The following VPS8 variants were observed in gnomAD, a reference collection of about 807,000 sequenced individuals.
VPS8 encodes the protein vacuolar protein sorting-associated protein 8 homolog.
Under a neutral mutation model 216.4 loss-of-function variants are expected in VPS8, and 129 were observed. The ratio of observed to expected loss-of-function variants is 0.60; its 90% confidence interval spans 0.52 to 0.69. The LOEUF is 0.69. Ranked by LOEUF, VPS8 falls within the 30% of genes least tolerant of loss-of-function variation. The pLI is 0.00. For synonymous variants in VPS8, 571 were observed against 565.4 expected, an observed-to-expected ratio of 1.01 and a Z score of -0.14; for missense variants, 1,531 against 1,683.5, an observed-to-expected ratio of 0.91 and a Z score of 1.59.
intron 37 of VPS8, among the ~76,000 whole-genome samples, chr3:184,957,881 G>A (rs1745881272): frequency 6.6e-6 from 1 of 152,204 alleles, no homozygotes; most frequent in African/African-American, 2.4e-5. Flanking sequence ...TGGGAAGATA[G>A]TCAGCTGTGT....
chr3:184,898,143 C>T (rs1168960260), intron 23 of VPS8, among the ~76,000 whole-genome samples: 3 of 152,114 alleles, frequency 2.0e-5, no homozygotes, highest in Non-Finnish European at 4.4e-5. Context: ...TGTACCCCTA[C>T]GTCCTTTTGC....
At chr3:184,857,152 T>C (rs1262769098) in intron 14 of VPS8, among the ~76,000 whole-genome samples, 1 of 152,252 alleles carries the variant, frequency 6.6e-6, no homozygotes, top group Non-Finnish European at 1.5e-5. Flanking sequence ...ATTGTAAATA[T>C]TCAGTAAATG....
intron 3 of VPS8, among the ~76,000 whole-genome samples, chr3:184,832,436 T>C (rs1720193644): frequency 6.6e-6 from 1 of 152,226 alleles, no homozygotes; most frequent in Admixed American, 6.5e-5. Context: ...CTAACAGTAA[T>C]CTGCATACTG....
chr3:184,920,916 A>G (rs1738496040), intron 29 of VPS8, among the ~76,000 whole-genome samples: 1 of 152,230 alleles, frequency 6.6e-6, no homozygotes, highest in African/African-American at 2.4e-5. Context: ...CTACATTTAT[A>G]ATAGTTCTGT....
intron 46 of VPS8, among the ~76,000 whole-genome samples, chr3:185,026,410 C>CTTTT (rs3045678): frequency 8.4e-6 from 1 of 119,118 alleles, no homozygotes; most frequent in Non-Finnish European, 1.7e-5. Flanking sequence ...GGCTGTATTT[C>CTTTT]TTTTTTTTTT....
At chr3:185,006,185 TC>T in intron 45 of VPS8, among the ~76,000 whole-genome samples, 1 of 152,350 alleles carries the variant, frequency 6.6e-6, no homozygotes, top group South Asian at 2.1e-4. Flanking sequence ...GCTCTCTGTG[TC>T]CTTTGATTTT....
intron 32 of VPS8, among the ~76,000 whole-genome samples, chr3:184,928,808 T>C (rs770394728): frequency 2.0e-5 from 3 of 152,202 alleles, no homozygotes; most frequent in Non-Finnish European, 4.4e-5. Flanking sequence ...TTAGATTTTT[T>C]CTTTAATATT....
chr3:184,950,188 G>A (rs552033340), intron 36 of VPS8, among the ~76,000 whole-genome samples: 5 of 136,922 alleles, frequency 3.7e-5, no homozygotes, highest in Admixed American at 7.8e-5. Context: ...GATTACAGAC[G>A]TGAGCAACCA....
chr3:184,830,741 G>A (rs1295777936), intron 3 of VPS8, among the ~76,000 whole-genome samples: 1 of 152,084 alleles, frequency 6.6e-6, no homozygotes, highest in Non-Finnish European at 1.5e-5. Flanking sequence ...TGATGCTGCT[G>A]TATTTATTTC....
At chr3:184,980,943 T>C (rs765569520) in intron 40 of VPS8, among the ~76,000 whole-genome samples, 4 of 152,204 alleles carry the variant, frequency 2.6e-5, no homozygotes, top group Non-Finnish European at 5.9e-5. Flanking sequence ...AGCTGGTGTA[T>C]CTTTAATATT....
intron 1 of VPS8, among the ~76,000 whole-genome samples, chr3:184,814,130 T>A (rs1180588568): frequency 6.6e-6 from 1 of 152,164 alleles, no homozygotes; most frequent in African/African-American, 2.4e-5. Flanking sequence ...GCAATTATAC[T>A]TTTTTAGTCA....
intron 5 of VPS8, 117 bp from the exon 6 acceptor site, chr3:184,838,597 G>A (rs930003748): frequency 2.1e-5 from 17 of 803,766 alleles, no homozygotes; most frequent in Non-Finnish European, 3.1e-5. Flanking sequence ...AAAAATAAAG[G>A]TTCTACCTCT....
intron 46 of VPS8, among the ~76,000 whole-genome samples, chr3:185,048,188 C>G (rs1013783572): frequency 3.9e-5 from 6 of 152,088 alleles, no homozygotes; most frequent in African/African-American, 1.4e-4. Flanking sequence ...ATAATGGTGC[C>G]AAAGAGGGAT....
chr3:184,939,408 AAAC>A (rs1460834657), intron 35 of VPS8, among the ~76,000 whole-genome samples: 3 of 152,064 alleles, frequency 2.0e-5, no homozygotes, highest in Non-Finnish European at 2.9e-5. Context: ...AAAAATAAAA[AAAC>A]AAAGAAAAAC....
At chr3:184,903,437 AT>A (rs1370325469) in intron 25 of VPS8, among the ~76,000 whole-genome samples, 1 of 152,076 alleles carries the variant, frequency 6.6e-6, no homozygotes, top group Non-Finnish European at 1.5e-5. Context: ...ATGTTTTTCT[AT>A]TTTTATCTTT....
chr3:184,917,040 T>C (rs569399731), intron 28 of VPS8, among the ~76,000 whole-genome samples: 22 of 152,250 alleles, frequency 1.4e-4, no homozygotes, highest in Admixed American at 3.9e-4. Flanking sequence ...TGTAGATAAA[T>C]AATTATAGCA....
chr3:184,998,848 C>G (rs1448275597), intron 44 of VPS8, among the ~76,000 whole-genome samples: 1 of 151,862 alleles, frequency 6.6e-6, no homozygotes, highest in African/African-American at 2.4e-5. Context: ...ATGTTGTTAT[C>G]AAGCTACTTA....
chr3:184,925,896 C>T (rs1179493333), intron 30 of VPS8, among the ~76,000 whole-genome samples: 2 of 150,820 alleles, frequency 1.3e-5, no homozygotes, highest in African/African-American at 4.9e-5. Flanking sequence ...GCCTCAGCCT[C>T]CTAAGTAGCT....
intron 36 of VPS8, among the ~76,000 whole-genome samples, chr3:184,940,724 A>T (rs1742530546): frequency 6.6e-6 from 1 of 152,208 alleles, no homozygotes; most frequent in Admixed American, 6.5e-5. Flanking sequence ...GAAAGTTTAA[A>T]TGTGTTTTTT....
Sources: allele counts gnomAD v4.1 joint callset (sites outside exome capture counted in the v4.1 genomes callset), GRCh38; gene constraint gnomAD v4.1.1; transcripts MANE v1.5; gene names NCBI Gene and HGNC (gene_info 2026-07-23, HGNC 2026-07-21).